The following CDH1 variants were observed in gnomAD, a reference collection of about 807,000 sequenced individuals.
CDH1 encodes cadherin-1.
In CDH1, 35 loss-of-function variants were observed where a neutral mutation model predicts 84.5. That is an observed-to-expected ratio of 0.41 (90% confidence interval 0.32 to 0.55). The LOEUF is 0.55. CDH1 is among the 20% of genes least tolerant of loss of function. The pLI is 0.19. For missense variants in CDH1, 994 were observed against 1,126.6 expected, an observed-to-expected ratio of 0.88 and a Z score of 1.68; for synonymous variants, 417 against 439.0, an observed-to-expected ratio of 0.95 and a Z score of 0.63.
At chr16:68,776,307 G>A (rs1274205215) in intron 2 of CDH1, among the ~76,000 whole-genome samples, 2 of 152,164 alleles carry the variant, frequency 1.3e-5, no homozygotes, top group East Asian at 3.8e-4. Context: ...TTCTTTTAAT[G>A]TAGTAGCAGG....
intron 2 of CDH1, among the ~76,000 whole-genome samples, chr16:68,788,841 A>G (rs1033593589): frequency 6.6e-6 from 1 of 152,012 alleles, no homozygotes; most frequent in African/African-American, 2.4e-5. Context: ...TCCTAAAAAA[A>G]ACAAAAAACA....
At chr16:68,750,860 T>C (rs1478801202) in intron 2 of CDH1, among the ~76,000 whole-genome samples, 2 of 151,892 alleles carry the variant, frequency 1.3e-5, no homozygotes, top group Non-Finnish European at 2.9e-5. Flanking sequence ...CACATCACCA[T>C]GCCCGGCTAA....
chr16:68,770,035 C>G (rs1186314816), intron 2 of CDH1, among the ~76,000 whole-genome samples: 1 of 151,296 alleles, frequency 6.6e-6, no homozygotes, highest in Non-Finnish European at 1.5e-5. Flanking sequence ...CTGTCATGCC[C>G]CCGGTTGTTT....
In CDH1 at chr16:68,833,636, T is replaced by C; in HGVS notation, c.*137T>C. On this transcript the variant is annotated 3_prime_UTR_variant, in exon 16 of 16. Transcript: ENST00000261769. The stretch of plus-strand genomic sequence containing the variant: ...AGACTGGTTAGTGATGCAGTTAGTA[T>C]AGCTTTATACTCTCTCCACTTTATA... 1.4e-6 allele frequency: 1 copy of C among 717,994 alleles called. No homozygotes were observed. Among genetic ancestry groups the C allele is most frequent in the East Asian group, 2.6e-5 (1 of 37,836 alleles). 44.5% of individuals were successfully genotyped at this position (717,994 alleles called of 1,614,324 possible).
rs886052238 is a variant in CDH1 at position 68,833,692 on chromosome 16, G to C, written c.*193G>C. Reference sequence around the variant, plus strand: ...AATAAGTTTGTGTTAGAAAAGTTTCGACTTATTTCTTAAAGCTTTTTTTTT... The same window carrying C: ...AATAAGTTTGTGTTAGAAAAGTTTCCACTTATTTCTTAAAGCTTTTTTTTT... On this transcript the variant is annotated 3_prime_UTR_variant, in exon 16 of 16. Coordinates refer to ENST00000261769, the MANE Select transcript of CDH1 (RefSeq NM_004360.5). 5.2e-5 allele frequency: 31 copies of C among 596,016 alleles called. No individual in the cohort carries two copies. Among genetic ancestry groups the C allele is most frequent in the Non-Finnish European group, 3.8e-5 (13 of 337,682 alleles). The allele number at this position is 596,016 out of a possible 1,614,324, so 36.9% of individuals were successfully genotyped here. A position where few individuals can be genotyped will look rare whatever the true frequency, so the allele number is the denominator to read the frequency against.
At position 68,766,979 on chromosome 16, in the gene CDH1, G is replaced by T. The variant is rs576176802; in HGVS notation, c.163+28568G>T. Among the ~76,000 whole-genome samples the T allele has an allele frequency of 2.6e-5, 4 of 151,796 alleles. No homozygotes were observed. In the South Asian group the frequency reaches 6.3e-4, roughly 24 times the overall value. On this transcript the variant is annotated intron_variant, in intron 2 of 15. Transcript: ENST00000261769. ...TGACCTCAAGTGATCTGCCTGTCTC[G>T]GCCTCCCAAATTGCTGGGATTACAG...
chr16:68,785,252 C>T (rs939509424), intron 2 of CDH1, among the ~76,000 whole-genome samples: 2 of 151,946 alleles, frequency 1.3e-5, no homozygotes, highest in African/African-American at 4.8e-5. Context: ...AGTACAGTGG[C>T]GCGATCTCGG....
chr16:68,787,183 C>T (rs1960076281), intron 2 of CDH1, among the ~76,000 whole-genome samples: 3 of 152,150 alleles, frequency 2.0e-5, no homozygotes, highest in Admixed American at 6.6e-5. Context: ...TTTTACCCAT[C>T]CCACATTGCT....
At chr16:68,799,628 T>G (rs1960445320) in intron 2 of CDH1, among the ~76,000 whole-genome samples, 1 of 152,174 alleles carries the variant, frequency 6.6e-6, no homozygotes, top group Non-Finnish European at 1.5e-5. Flanking sequence ...GGGCTCCCTC[T>G]CATACTGTCA....
Position 68,755,761 on chromosome 16 carries a change from T to A in CDH1, c.163+17350T>A, listed in dbSNP as rs1020902915. 1.4e-4 allele frequency among the ~76,000 whole-genome samples: 4 copies of A among 28,132 alleles called. No individual in the cohort carries two copies. In the East Asian group the frequency reaches 3.0e-3, roughly 21 times the overall value. 18.5% of individuals were successfully genotyped at this position (28,132 alleles called of 152,430 possible). On this transcript the variant is annotated intron_variant, in intron 2 of 15. Transcript: ENST00000261769. ...TATTGCTCCAGCAGAGTTTTCTAAATTTTTTTTTTTTTTTTTTTTGAGACA... is the reference window on the plus strand; with the variant it reads ...TATTGCTCCAGCAGAGTTTTCTAAAATTTTTTTTTTTTTTTTTTTGAGACA...
rs1555514398 is a variant in CDH1, at chr16:68,801,660, T to C, written c.164-10T>C. The C allele has an allele frequency of 1.9e-6, 3 of 1,607,076 alleles. No individual in the cohort carries two copies. Among genetic ancestry groups the C allele is most frequent in the Non-Finnish European group, 2.6e-6 (3 of 1,173,518 alleles). On this transcript the variant is annotated splice_polypyrimidine_tract_variant and intron_variant, in intron 2 of 15. Coordinates refer to ENST00000261769, the MANE Select transcript of CDH1 (RefSeq NM_004360.5). ...CCAATTTCCTAATCTCTGTGATTTC[T>C]GCCCTGCAGTGAATTTTGAAGATTG...
At chr16:68,753,024 T>G (rs549951572) in intron 2 of CDH1, among the ~76,000 whole-genome samples, 9 of 151,916 alleles carry the variant, frequency 5.9e-5, no homozygotes, top group African/African-American at 2.2e-4. Context: ...GGAAAGAGCT[T>G]GATGAGAGAC....
chr16:68,746,008 G>A (rs986976480), intron 2 of CDH1, among the ~76,000 whole-genome samples: 3 of 152,048 alleles, frequency 2.0e-5, no homozygotes, highest in Non-Finnish European at 2.9e-5. Flanking sequence ...TTGTAGAGAC[G>A]GTTTCACCAT....
intron 2 of CDH1, among the ~76,000 whole-genome samples, chr16:68,768,040 C>A (rs1176532578): frequency 2.0e-5 from 3 of 151,906 alleles, no homozygotes; most frequent in African/African-American, 7.3e-5. Context: ...ACTGCAACCT[C>A]CGCCTCCCGG....
chr16:68,829,271 A>T (rs953229713), intron 14 of CDH1, among the ~76,000 whole-genome samples: 1 of 152,158 alleles, frequency 6.6e-6, no homozygotes, highest in South Asian at 2.1e-4. Flanking sequence ...CCTGTGTCAT[A>T]TGTTACTGTC....
At chr16:68,809,832 A>G (rs1415337417) in intron 5 of CDH1, among the ~76,000 whole-genome samples, 2 of 152,188 alleles carry the variant, frequency 1.3e-5, no homozygotes, top group African/African-American at 4.8e-5. Flanking sequence ...AGGAAGTCAT[A>G]TATTGATGCC....
intron 13 of CDH1, among the ~76,000 whole-genome samples, chr16:68,827,736 C>T (rs930895501): frequency 2.6e-5 from 4 of 152,034 alleles, no homozygotes; most frequent in East Asian, 1.9e-4. Context: ...ATGTCCCTCC[C>T]GCCCTGCTTG....
intron 2 of CDH1, among the ~76,000 whole-genome samples, chr16:68,800,539 C>G (rs1037063043): frequency 2.0e-5 from 3 of 152,148 alleles, no homozygotes; most frequent in African/African-American, 4.8e-5. Flanking sequence ...TCCTGTCTAG[C>G]CTTGTAAGAT....
At chr16:68,793,937 A>AC (rs1160851916) in intron 2 of CDH1, among the ~76,000 whole-genome samples, 3 of 151,898 alleles carry the variant, frequency 2.0e-5, no homozygotes, top group Non-Finnish European at 4.4e-5. Flanking sequence ...TCTCAAAAAA[A>AC]AAAAAAAAAA....
Sources: gnomAD v4.1 joint callset for allele counts (sites outside exome capture counted in the v4.1 genomes callset) on GRCh38, gnomAD v4.1.1 for gene constraint, MANE v1.5 for transcripts, NCBI Gene and HGNC (gene_info 2026-07-23, HGNC 2026-07-21) for gene names.